Variants in IFT80 observed in about 807,000 individuals in gnomAD.
IFT80 encodes the protein intraflagellar transport 80, also known as intraflagellar transport protein 80 homolog.
In IFT80, 79 loss-of-function variants were observed where a neutral mutation model predicts 107.9. That is an observed-to-expected ratio of 0.73 (90% CI 0.61 to 0.88). IFT80 has a LOEUF of 0.88. IFT80 is among the 40% of genes least tolerant of loss of function. IFT80 has a pLI of 0.00. For synonymous variants in IFT80, 299 were observed against 300.9 expected (o/e 0.99, Z 0.07); for missense variants, 797 against 914.2 (o/e 0.87, Z 1.65).
At chr3:160,357,207 C>T (rs1721158108) in intron 7 of IFT80, among the ~76,000 whole-genome samples, 1 of 152,050 alleles carries the variant, frequency 6.6e-6, no homozygotes, top group South Asian at 2.1e-4. Context: ...TCAAGTGATC[C>T]ACTCACCTCA....
chr3:160,394,921 T>C (rs1349667403), intron 1 of IFT80, among the ~76,000 whole-genome samples: 1 of 152,114 alleles, frequency 6.6e-6, no homozygotes, highest in Non-Finnish European at 1.5e-5. Context: ...ACCAAAACAT[T>C]TTCTGGGAAG....
chr3:160,354,013 TGAG>T lies in IFT80; in HGVS notation c.777+1997_777+1999del, dbSNP rs1399376139. On this transcript the variant is annotated intron_variant, in intron 8 of 19. Coordinates refer to ENST00000326448, the MANE Select transcript of IFT80 (RefSeq NM_020800.3). ...TTAAATTGGCTTATTAATAAATTGTTGAGTATCTACTGTGTTGTACAGATAATA... is the reference window on the plus strand; with the variant it reads ...TTAAATTGGCTTATTAATAAATTGTTTATCTACTGTGTTGTACAGATAATA... 3.3e-5 allele frequency among the ~76,000 whole-genome samples: 5 copies of T among 152,302 alleles called. No individual in the cohort carries two copies. The East Asian group carries it at 9.6e-4, about 29-fold the overall frequency.
rs576890472 is a variant in IFT80 at position 160,296,542 on chromosome 3, T to C, written c.1315+4341A>G. On this transcript the variant is annotated intron_variant, in intron 12 of 19. Coordinates refer to ENST00000326448, the MANE Select transcript of IFT80 (RefSeq NM_020800.3). ...CCTTTACTCTGGTTCATTCTCAGCA[T>C]ATAAACAACTCTGCTATCATCCTCA... Among the ~76,000 whole-genome samples, 339 of 151,072 alleles carry C rather than the reference T, an allele frequency of 2.2e-3. 3 individuals carry two copies. The highest frequency in any genetic ancestry group is 7.6e-3 in the African/African-American group (312 of 41,196).
At chr3:160,262,266 C>T (rs1037568676) in intron 19 of IFT80, among the ~76,000 whole-genome samples, 1 of 152,100 alleles carries the variant, frequency 6.6e-6, no homozygotes, top group Non-Finnish European at 1.5e-5. Context: ...AAAGATGTGA[C>T]AAGACTGTTT....
intron 8 of IFT80, among the ~76,000 whole-genome samples, chr3:160,325,623 G>A (rs995648152): frequency 7.2e-5 from 11 of 151,958 alleles, no homozygotes; most frequent in Admixed American, 1.3e-4. Context: ...AGCCAGAAGC[G>A]AATTTTGAAT....
Position 160,277,572 on chromosome 3 carries a change from A to C in IFT80, c.1926+9T>G. 1 of 1,605,140 alleles carries C rather than the reference A, an allele frequency of 6.2e-7. No individual in the cohort carries two copies. Among genetic ancestry groups the C allele is most frequent in the East Asian group, 2.2e-5 (1 of 44,756 alleles). On this transcript the variant is annotated intron_variant, in intron 17 of 19. Coordinates refer to ENST00000326448, the MANE Select transcript of IFT80 (RefSeq NM_020800.3). ...CACATGTACATATATGTAAACATTA[A>C]TTACTTACTTCACCAATTGCTGCAT...
rs1285755513 is a variant in IFT80, at chr3:160,332,348, C to T, written c.778-12409G>A. The stretch of plus-strand genomic sequence containing the variant: ...GAATGCTCAACCAGCAGGTGGGGAG[C>T]AAAAGAGAGAGGGTGAAACCTTTGG... On this transcript the variant is annotated intron_variant, in intron 8 of 19. Coordinates refer to ENST00000326448, the MANE Select transcript of IFT80 (RefSeq NM_020800.3). Among the ~76,000 whole-genome samples the T allele has an allele frequency of 2.0e-5, 3 of 152,194 alleles. No homozygotes were observed. In the East Asian group the frequency reaches 5.8e-4, roughly 29 times the overall value.
chr3:160,385,705 TACA>T (rs1712875366), intron 1 of IFT80, among the ~76,000 whole-genome samples: 1 of 152,236 alleles, frequency 6.6e-6, no homozygotes, highest in Non-Finnish European at 1.5e-5. Context: ...AGAGCTAGAA[TACA>T]ACGTCTCCCA....
At position 160,303,964 on chromosome 3, in the gene IFT80, T is replaced by C. The variant is rs377753000; in HGVS notation, c.1102A>G (p.Ile368Val). Residue 368 changes from isoleucine (I) to valine (V), a missense_variant, in exon 11 of 20, where the codon ATA (isoleucine) becomes GTA (valine). Transcript: ENST00000326448. ...FSTKNWNTPI[I>V]FDLKEGTVSL... Reference sequence around the variant, plus strand: ...ACAGTTCCTTCTTTGAGATCAAATATAATTGGTGTGTTCCAGTTCTTCGTG... The same window carrying C: ...ACAGTTCCTTCTTTGAGATCAAATACAATTGGTGTGTTCCAGTTCTTCGTG... The C allele has an allele frequency of 2.4e-5, 38 of 1,611,118 alleles. No homozygotes were observed. The highest frequency in any genetic ancestry group is 3.1e-5 in the Non-Finnish European group (37 of 1,177,666).
Position 160,375,890 on chromosome 3 carries a change from GA to G in IFT80, c.371-11del, listed in dbSNP as rs34613811. ...TGTCCATCTTCTCCAACTATACAGG[GA>G]AAAAAAAATTAATCAGTATTTTTAC... On this transcript the variant is annotated splice_polypyrimidine_tract_variant and intron_variant, in intron 4 of 19. Coordinates refer to ENST00000326448, the MANE Select transcript of IFT80 (RefSeq NM_020800.3). 2.0e-4 allele frequency: 315 copies of G among 1,557,462 alleles called. No homozygotes were observed. Among genetic ancestry groups the G allele is most frequent in the African/African-American group, 7.0e-4 (51 of 73,038 alleles).
intron 1 of IFT80, among the ~76,000 whole-genome samples, chr3:160,393,072 T>TA (rs1163577928): frequency 1.3e-5 from 2 of 152,094 alleles, no homozygotes; most frequent in Admixed American, 6.6e-5. Context: ...ACCCTGTCTC[T>TA]AAAAAATATA....
chr3:160,310,272 C>A (rs569147190), intron 9 of IFT80, among the ~76,000 whole-genome samples: 6 of 152,134 alleles, frequency 3.9e-5, no homozygotes, highest in Admixed American at 6.5e-5. Flanking sequence ...AACATAGGAG[C>A]CAACTGGCCA....
At position 160,334,802 on chromosome 3, in the gene IFT80, T is replaced by C. The variant is rs1477132238; in HGVS notation, c.778-14863A>G. Among the ~76,000 whole-genome samples the C allele has an allele frequency of 3.3e-5, 4 of 119,762 alleles. No homozygotes were observed. The East Asian group carries it at 8.3e-4, about 25-fold the overall frequency. The allele number at this position is 119,762 out of a possible 152,430, so 78.6% of individuals were successfully genotyped here. ...TTTTAGTCTTCTTGACAGACTCTCA[T>C]AGCTTTTTTTTTTTTTTAAAGACAG... On this transcript the variant is annotated intron_variant, in intron 8 of 19. Transcript: ENST00000326448.
At chr3:160,276,085 G>T (rs901946135) in intron 18 of IFT80, among the ~76,000 whole-genome samples, 2 of 151,876 alleles carry the variant, frequency 1.3e-5, no homozygotes, top group Non-Finnish European at 2.9e-5. Context: ...GGCCAGGCTG[G>T]TCTCAAACTC....
intron 11 of IFT80, among the ~76,000 whole-genome samples, chr3:160,301,956 T>C (rs959107036): frequency 2.6e-5 from 4 of 152,024 alleles, no homozygotes; most frequent in Admixed American, 6.6e-5. Flanking sequence ...TCCATATGTC[T>C]GCCCTACTTA....
At chr3:160,370,874 T>C (rs1722182858) in intron 5 of IFT80, among the ~76,000 whole-genome samples, 1 of 152,220 alleles carries the variant, frequency 6.6e-6, no homozygotes, top group South Asian at 2.1e-4. Context: ...ACTGCCTCTA[T>C]TCAAGCCTTA....
chr3:160,270,881 A>G (rs1713751587), intron 18 of IFT80, among the ~76,000 whole-genome samples: 1 of 152,124 alleles, frequency 6.6e-6, no homozygotes, highest in African/African-American at 2.4e-5. Flanking sequence ...GGAGATCTTG[A>G]TTGTGCAAAA....
chr3:160,266,448 C>T (rs1576722724), intron 19 of IFT80, among the ~76,000 whole-genome samples: 1 of 151,232 alleles, frequency 6.6e-6, no homozygotes, highest in Admixed American at 6.6e-5. Context: ...AGTGCAGTGG[C>T]ATGATCTCAA....
At chr3:160,340,198 A>G (rs1334261771) in intron 8 of IFT80, among the ~76,000 whole-genome samples, 1 of 152,180 alleles carries the variant, frequency 6.6e-6, no homozygotes, top group Non-Finnish European at 1.5e-5. Context: ...AGCTAGTGAG[A>G]TAATTTTTTT....
Sources: allele counts gnomAD v4.1 joint callset (sites outside exome capture counted in the v4.1 genomes callset), GRCh38; gene constraint gnomAD v4.1.1; transcripts MANE v1.5; gene names NCBI Gene and HGNC (gene_info 2026-07-23, HGNC 2026-07-21).